The following LPAR1 variants were observed in gnomAD, a reference collection of about 807,000 sequenced individuals.
The protein encoded by LPAR1 is LPA receptor 1.
In LPAR1, 5 loss-of-function variants were observed where a neutral mutation model predicts 23.8. That is an observed-to-expected ratio of 0.21 (90% CI 0.11 to 0.44). The LOEUF (loss-of-function observed/expected upper bound fraction) is 0.44. LPAR1 is among the 20% of genes least tolerant of loss of function. The probability of loss-of-function intolerance (pLI) is 0.99; values close to 1 mark genes in which losing one functional copy is unlikely to be tolerated. For synonymous variants in LPAR1, 160 were observed against 164.7 expected (o/e 0.97, Z 0.22); for missense variants, 311 against 482.8 (o/e 0.64, Z 3.33).
chr9:111,017,576 A>C (rs944976302), intron 2 of LPAR1, among the ~76,000 whole-genome samples: 7 of 152,334 alleles, frequency 4.6e-5, no homozygotes, highest in South Asian at 2.1e-4. Flanking sequence ...ATACACACTA[A>C]ACCAGCACAG....
intron 3 of LPAR1, among the ~76,000 whole-genome samples, chr9:110,973,059 G>A (rs890995638): frequency 2.6e-5 from 4 of 152,130 alleles, no homozygotes; most frequent in African/African-American, 7.2e-5. Flanking sequence ...GTGTGGAATC[G>A]CAGGACAAAG....
Position 110,873,610 on chromosome 9 carries a change from C to T in LPAR1, c.*1811G>A, listed in dbSNP as rs569210207. On this transcript the variant is annotated 3_prime_UTR_variant, in exon 6 of 6. Transcript: ENST00000683809. ...CACCACTGTGTTACCTCACTGGTTA[C>T]TTGTTACAGCAAACTGATGCAACTA... is the stretch of plus-strand genomic sequence containing the variant. 39 of 152,332 alleles carry T rather than the reference C, an allele frequency of 2.6e-4. No individual in the cohort carries two copies. The highest frequency in any genetic ancestry group is 9.4e-4 in the African/African-American group (39 of 41,552). 9.4% of individuals were successfully genotyped at this position (152,332 alleles called of 1,614,324 possible).
intron 5 of LPAR1, among the ~76,000 whole-genome samples, chr9:110,884,708 T>C (rs1794355908): frequency 6.6e-6 from 1 of 152,254 alleles, no homozygotes; most frequent in Non-Finnish European, 1.5e-5. Context: ...TTGCTCATAA[T>C]TCTTGCTTGG....
At chr9:110,975,977 G>C (rs928807160) in intron 2 of LPAR1, among the ~76,000 whole-genome samples, 1 of 152,144 alleles carries the variant, frequency 6.6e-6, no homozygotes, top group African/African-American at 2.4e-5. Context: ...TTTCCCTTGG[G>C]AGTGAAGTCT....
chr9:110,909,755 A>G (rs2092107267), intron 5 of LPAR1, among the ~76,000 whole-genome samples: 1 of 151,210 alleles, frequency 6.6e-6, no homozygotes, highest in African/African-American at 2.4e-5. Flanking sequence ...TTATTTATTT[A>G]TTTATTTAGA....
At chr9:111,037,902 G>C (rs966466164) in intron 1 of LPAR1, 6 of 152,070 alleles carry the variant, frequency 3.9e-5, no homozygotes, top group African/African-American at 1.4e-4. Context: ...CCAGGGGCTC[G>C]GTCCGCCGCT....
chr9:110,878,218 C>T (rs937760536), intron 5 of LPAR1, among the ~76,000 whole-genome samples: 7 of 152,158 alleles, frequency 4.6e-5, no homozygotes, highest in African/African-American at 1.7e-4. Context: ...CAGTGACTCA[C>T]AGTACAGGCC....
In LPAR1 at chr9:110,901,135, A is replaced by G. The variant is rs73655663; in HGVS notation, c.794-25413T>C. 3.7e-3 allele frequency among the ~76,000 whole-genome samples: 570 copies of G among 152,282 alleles called. 1 individual carries two copies. Among genetic ancestry groups the G allele is most frequent in the African/African-American group, 0.013 (523 of 41,568 alleles). ...TTCTTTCCCTTTTTGAGTTTGACAT[A>G]TAAGATTTGACTAACTGTCTTTAAA... On this transcript the variant is annotated intron_variant, in intron 5 of 5. Transcript: ENST00000683809.
intron 5 of LPAR1, among the ~76,000 whole-genome samples, chr9:110,927,571 G>A (rs970152468): frequency 6.6e-6 from 1 of 151,730 alleles, no homozygotes; most frequent in African/African-American, 2.4e-5. Flanking sequence ...AAGAAAAGTA[G>A]GAAAAATTGA....
intron 5 of LPAR1, among the ~76,000 whole-genome samples, chr9:110,930,733 T>C (rs1011728548): frequency 2.0e-5 from 3 of 151,814 alleles, no homozygotes; most frequent in East Asian, 1.9e-4. Context: ...CTGACCAACA[T>C]GGAGAAACCC....
rs73655699 is a variant in LPAR1, at chr9:110,937,621, A to C, written c.793+3800T>G. On this transcript the variant is annotated intron_variant, in intron 5 of 5. Transcript: ENST00000683809. ...GCCAAATAAGTATTTCACAACTAAA[A>C]ATAATTATTAAGATCCAGTACTCAC... Among the ~76,000 whole-genome samples, 1,290 of 152,322 alleles carry C rather than the reference A, an allele frequency of 8.5e-3. 23 individuals are homozygous for C. The highest frequency in any genetic ancestry group is 0.029 in the African/African-American group (1,220 of 41,566).
chr9:110,886,049 T>G (rs888750281), intron 5 of LPAR1, among the ~76,000 whole-genome samples: 4 of 151,710 alleles, frequency 2.6e-5, no homozygotes, highest in Non-Finnish European at 2.9e-5. Flanking sequence ...ACCACAAAAA[T>G]TAGTCGGGTG....
At chr9:110,904,731 G>A (rs2090607184) in intron 5 of LPAR1, among the ~76,000 whole-genome samples, 1 of 152,168 alleles carries the variant, frequency 6.6e-6, no homozygotes, top group South Asian at 2.1e-4. Context: ...AAATAGGAGT[G>A]GCTGGAGAAG....
Position 110,930,134 on chromosome 9 carries a change from T to C in LPAR1, c.793+11287A>G, listed in dbSNP as rs2094309779. Among the ~76,000 whole-genome samples, 3 of 152,240 alleles carry C rather than the reference T, an allele frequency of 2.0e-5. No homozygotes were observed. In the South Asian group the frequency reaches 6.2e-4, roughly 32 times the overall value. On this transcript the variant is annotated intron_variant, in intron 5 of 5. Coordinates refer to ENST00000683809, the MANE Select transcript of LPAR1 (RefSeq NM_001351411.2). ...TTCAGGTATAGGTGTCGACTTTTCC[T>C]GGCAATGATCTTTCAGATCCTGAAA...
intron 5 of LPAR1, among the ~76,000 whole-genome samples, chr9:110,888,672 T>C (rs1443365613): frequency 6.6e-6 from 1 of 151,532 alleles, no homozygotes; most frequent in African/African-American, 2.4e-5. Context: ...AGGGGAATAA[T>C]ATTTGGAGAC....
At chr9:110,905,285 A>G (rs2090837977) in intron 5 of LPAR1, among the ~76,000 whole-genome samples, 1 of 152,074 alleles carries the variant, frequency 6.6e-6, no homozygotes, top group African/African-American at 2.4e-5. Flanking sequence ...TCATATATGG[A>G]TGGTTGGGTA....
chr9:110,904,932 G>C (rs2090691230), intron 5 of LPAR1, among the ~76,000 whole-genome samples: 1 of 152,204 alleles, frequency 6.6e-6, no homozygotes, highest in Admixed American at 6.5e-5. Flanking sequence ...ACAAACCCCA[G>C]AGTAGAGAGG....
chr9:110,941,924 A>G lies in LPAR1; in HGVS notation c.290T>C (p.Phe97Ser), dbSNP rs768558072. The change falls in exon 5 of 6, where the codon TTT becomes TCT. Residue 97 changes from phenylalanine to serine, a missense_variant. Physicochemically the swap from Phe to Ser is radical, Grantham distance 155. Around this residue, in one of 2 missense-constraint regions of LPAR1, gnomAD observed 250 missense variants for 427.2 expected, o/e 0.59. Coordinates refer to ENST00000683809, the MANE Select transcript of LPAR1 (RefSeq NM_001351411.2). The surrounding 1 kb of genome is among the most constrained non-coding windows in gnomAD (Gnocchi z 6.1). ...GAGATAGAAGTAGGCCAACCCAGCAAAGAAGTCTGCAGCAGCCAGATTAGC... is the reference window on the plus strand; with the variant it reads ...GAGATAGAAGTAGGCCAACCCAGCAGAGAAGTCTGCAGCAGCCAGATTAGC... ...LMANLAAADF[F>S]AGLAYFYLMF... 6.2e-7 allele frequency: 1 copy of G among 1,614,202 alleles called. No homozygotes were observed. The highest frequency in any genetic ancestry group is 8.5e-7 in the Non-Finnish European group (1 of 1,180,016).
At chr9:110,921,145 C>CA (rs758065944) in intron 5 of LPAR1, among the ~76,000 whole-genome samples, 18 of 151,690 alleles carry the variant, frequency 1.2e-4, no homozygotes, top group Admixed American at 4.6e-4. Flanking sequence ...AAAAACAAAA[C>CA]AAAAAACAAA....
Sources: gnomAD v4.1 joint callset for allele counts (sites outside exome capture counted in the v4.1 genomes callset) on GRCh38, gnomAD v4.1.1 for gene constraint, gnomAD v4.1.1 regional missense constraint, Gnocchi (gnomAD v3.1) non-coding constraint, MANE v1.5 for transcripts, NCBI Gene and HGNC (gene_info 2026-07-23, HGNC 2026-07-21) for gene names.